The following ASTN2 variants were observed in gnomAD, a reference collection of about 807,000 sequenced individuals.
ASTN2 encodes astrotactin-2.
A neutral mutation model predicts 139.8 loss-of-function variants in ASTN2; 54 were observed. The ratio of observed to expected loss-of-function variants is 0.39; its 90% confidence interval spans 0.31 to 0.48. ASTN2 has a LOEUF of 0.48. Among genes scored for constraint, ASTN2 ranks in the 20% least tolerant of loss-of-function variants. The pLI is 0.95. For missense variants in ASTN2, 1,565 were observed against 1,725.1 expected (o/e 0.91, Z 1.64); for synonymous variants, 756 against 719.5 (o/e 1.05, Z -0.81).
chr9:117,258,220 T>C (rs558394142), intron 2 of ASTN2, among the ~76,000 whole-genome samples: 3 of 152,218 alleles, frequency 2.0e-5, no homozygotes, highest in East Asian at 1.9e-4. Context: ...GGTGCTGACA[T>C]GAATAATGAT....
Position 116,517,406 on chromosome 9 carries a change from AC to A in ASTN2, c.3356-29907del, listed in dbSNP as rs563904966. Among the ~76,000 whole-genome samples the A allele has an allele frequency of 7.2e-4, 110 of 152,300 alleles. 1 individual carries two copies. The South Asian group carries it at 9.3e-3, about 13-fold the overall frequency. Reference sequence around the variant, plus strand: ...GGGTGGCTAGACTCATAAGAGCAAAACAATCACTACATTTCAGCTCTGAGGA... The same window carrying A: ...GGGTGGCTAGACTCATAAGAGCAAAAAATCACTACATTTCAGCTCTGAGGA... On this transcript the variant is annotated intron_variant, in intron 19 of 22. Coordinates refer to ENST00000313400, the MANE Select transcript of ASTN2 (RefSeq NM_001365068.1).
intron 16 of ASTN2, among the ~76,000 whole-genome samples, chr9:116,694,411 T>C (rs1226542802): frequency 6.6e-6 from 1 of 151,888 alleles, no homozygotes; most frequent in Non-Finnish European, 1.5e-5. Flanking sequence ...ACTGTAGCTA[T>C]TGATTTAGAA....
At chr9:116,743,346 T>C (rs113797970) in intron 13 of ASTN2, among the ~76,000 whole-genome samples, 3,537 of 152,208 alleles carry the variant, frequency 0.023, 139 homozygotes, top group South Asian at 0.16. Context: ...GTCAGGAGAT[T>C]GAGACCATCC....
intron 11 of ASTN2, among the ~76,000 whole-genome samples, chr9:116,857,645 T>A (rs1162825001): frequency 6.6e-6 from 1 of 152,220 alleles, no homozygotes; most frequent in Non-Finnish European, 1.5e-5. Context: ...CTACATGAAC[T>A]TGAGCAATTT....
chr9:116,962,847 T>A (rs1379717760), intron 10 of ASTN2, among the ~76,000 whole-genome samples: 1 of 152,222 alleles, frequency 6.6e-6, no homozygotes, highest in Non-Finnish European at 1.5e-5. Flanking sequence ...GTAAGGGGAT[T>A]GAATGATACT....
intron 6 of ASTN2, among the ~76,000 whole-genome samples, chr9:117,021,252 C>G (rs1353477967): frequency 6.6e-6 from 1 of 152,074 alleles, no homozygotes; most frequent in Non-Finnish European, 1.5e-5. Flanking sequence ...AGGTTGGGTT[C>G]TATTTTCAGT....
chr9:116,835,751 T>A (rs980860963), intron 11 of ASTN2, among the ~76,000 whole-genome samples: 1 of 152,192 alleles, frequency 6.6e-6, no homozygotes, highest in Non-Finnish European at 1.5e-5. Context: ...ATAAATCTTT[T>A]CAAATATTTT....
At chr9:116,688,135 A>T (rs567833792) in intron 16 of ASTN2, among the ~76,000 whole-genome samples, 44 of 152,052 alleles carry the variant, frequency 2.9e-4, no homozygotes, top group African/African-American at 1.1e-3. Context: ...TGCGGGGCTG[A>T]GTGTGGCAGA....
intron 1 of ASTN2, among the ~76,000 whole-genome samples, chr9:117,382,860 G>A (rs962662054): frequency 3.3e-5 from 5 of 152,160 alleles, no homozygotes; most frequent in Non-Finnish European, 5.9e-5. Flanking sequence ...ATGGCCACGT[G>A]TGAACCATCC....
intron 7 of ASTN2, among the ~76,000 whole-genome samples, chr9:117,000,079 T>C (rs1327256438): frequency 6.6e-6 from 1 of 152,248 alleles, no homozygotes; most frequent in Non-Finnish European, 1.5e-5. Context: ...TAAGTGAAGA[T>C]ACACATGACT....
intron 1 of ASTN2, among the ~76,000 whole-genome samples, chr9:117,361,403 G>A (rs1349099692): frequency 6.6e-6 from 1 of 150,882 alleles, no homozygotes; most frequent in Non-Finnish European, 1.5e-5. Flanking sequence ...ATTAAATTCT[G>A]TGTGACCTGG....
At position 116,425,599 on chromosome 9, in the gene ASTN2, A is replaced by G; in HGVS notation, c.*252T>C. On this transcript the variant is annotated 3_prime_UTR_variant, in exon 23 of 23. Transcript: ENST00000313400. ...ATCCATAAGAAAAGGTTTAAAAAGG[A>G]GAGACTTTTGATAGAGTCAAATAAT... The G allele has an allele frequency of 6.2e-7, 1 of 1,613,438 alleles. No homozygotes were observed. Among genetic ancestry groups the G allele is most frequent in the Non-Finnish European group, 8.5e-7 (1 of 1,179,860 alleles).
chr9:116,881,116 T>G (rs1257445219), intron 10 of ASTN2, among the ~76,000 whole-genome samples: 1 of 151,698 alleles, frequency 6.6e-6, no homozygotes, highest in Non-Finnish European at 1.5e-5. Context: ...ACAAACAGAG[T>G]CACAGAATGT....
chr9:117,200,074 A>AT (rs575920408), intron 3 of ASTN2, among the ~76,000 whole-genome samples: 2,386 of 150,448 alleles, frequency 0.016, 30 homozygotes, highest in Non-Finnish European at 0.028. Flanking sequence ...TATTATTATT[A>AT]TTTTTTAAAT....
chr9:116,492,753 T>C (rs997986846), intron 19 of ASTN2, among the ~76,000 whole-genome samples: 2 of 152,220 alleles, frequency 1.3e-5, no homozygotes, highest in African/African-American at 2.4e-5. Context: ...TGGTTCCACC[T>C]TGCCATCTTC....
intron 1 of ASTN2, among the ~76,000 whole-genome samples, chr9:117,314,958 CAT>C (rs1828097904): frequency 7.4e-6 from 1 of 135,126 alleles, no homozygotes; most frequent in African/African-American, 2.6e-5. Context: ...ATACACATAA[CAT>C]AATATTGGTA....
intron 11 of ASTN2, among the ~76,000 whole-genome samples, chr9:116,843,217 A>T (rs1303906282): frequency 6.6e-6 from 1 of 152,222 alleles, no homozygotes; most frequent in Non-Finnish European, 1.5e-5. Context: ...GATTGGATTT[A>T]AAAAAATGTG....
intron 1 of ASTN2, among the ~76,000 whole-genome samples, chr9:117,334,156 A>T (rs969721532): frequency 6.6e-6 from 1 of 152,104 alleles, no homozygotes; most frequent in South Asian, 2.1e-4. Flanking sequence ...TTTCCAATAA[A>T]ATCAGTAGGG....
chr9:116,677,596 C>T (rs1090025), intron 16 of ASTN2, among the ~76,000 whole-genome samples: 110,037 of 152,006 alleles, frequency 0.72, 40,018 homozygotes, highest in East Asian at 0.87. Context: ...TAAGGAAACA[C>T]CCCCACCCCC....
Sources: allele counts gnomAD v4.1 joint callset (sites outside exome capture counted in the v4.1 genomes callset), GRCh38; gene constraint gnomAD v4.1.1; transcripts MANE v1.5; gene names NCBI Gene and HGNC (gene_info 2026-07-23, HGNC 2026-07-21).